NFE2L3: variants seen among roughly 807,000 people sequenced by gnomAD.
NFE2L3 encodes NFE2 like bZIP transcription factor 3.
NFE2L3 carries 18 observed loss-of-function variants against 23.5 expected under a neutral mutation model. The observed-to-expected ratio is 0.77, with a 90% CI of 0.53 to 1.13. NFE2L3 has a LOEUF of 1.13. Ranked by LOEUF, NFE2L3 falls within the 50% of genes most tolerant of loss-of-function variation. The pLI, the probability that NFE2L3 is intolerant of heterozygous loss-of-function variation, is 0.00. For missense variants in NFE2L3, 1,152 were observed against 877.2 expected (o/e 1.31, Z -3.96); for synonymous variants, 424 against 354.5 (o/e 1.20, Z -2.20).
At position 26,185,663 on chromosome 7, in the gene NFE2L3, G is replaced by GC. The variant is rs1562681595; in HGVS notation, c.1967dup (p.Val657SerfsTer13). ...GTAGATTAAGAGATGACCAAGGTAG[G>GC]CCAGTCAATCCCAACCACTATGCTC... On this transcript the variant is annotated frameshift_variant, in exon 4 of 4. Coordinates refer to ENST00000056233, the MANE Select transcript of NFE2L3 (RefSeq NM_004289.7). LOFTEE classifies it high-confidence loss of function. 5.0e-6 allele frequency: 8 copies of GC among 1,613,802 alleles called. No homozygotes were observed. Among genetic ancestry groups the GC allele is most frequent in the Non-Finnish European group, 6.8e-6 (8 of 1,179,842 alleles).
chr7:26,177,781 T>C (rs760739371), intron 1 of NFE2L3, among the ~76,000 whole-genome samples, 162 bp from the exon 2 acceptor site: 3 of 152,254 alleles, frequency 2.0e-5, no homozygotes, highest in Non-Finnish European at 4.4e-5. Flanking sequence ...GGACAGGATG[T>C]AAAACTGACC....
chr7:26,165,518 AG>A (rs750705989), intron 1 of NFE2L3, among the ~76,000 whole-genome samples: 1 of 152,236 alleles, frequency 6.6e-6, no homozygotes, highest in Non-Finnish European at 1.5e-5. Flanking sequence ...GCTTTGCTCA[AG>A]TTGCTTATCA....
At chr7:26,154,692 T>A (rs1275122912) in intron 1 of NFE2L3, among the ~76,000 whole-genome samples, 1 of 152,216 alleles carries the variant, frequency 6.6e-6, no homozygotes, top group Non-Finnish European at 1.5e-5. Context: ...CTAGGAGAAC[T>A]GGCGTGCACC....
chr7:26,183,570 C>T (rs1782387342), intron 2 of NFE2L3, 131 bp from the exon 3 acceptor site: 2 of 630,394 alleles, frequency 3.2e-6, no homozygotes, highest in African/African-American at 1.8e-5. Flanking sequence ...GTAGAACTTC[C>T]AACCAAGGAA....
intron 1 of NFE2L3, among the ~76,000 whole-genome samples, chr7:26,160,402 A>G (rs1019162515): frequency 2.6e-5 from 4 of 152,218 alleles, no homozygotes; most frequent in Middle Eastern, 3.2e-3. Flanking sequence ...ATCTTTTGAA[A>G]TTGGGGAGAA....
intron 1 of NFE2L3, among the ~76,000 whole-genome samples, chr7:26,155,982 C>G (rs1224126503): frequency 6.6e-6 from 1 of 152,190 alleles, no homozygotes; most frequent in Non-Finnish European, 1.5e-5. Context: ...AACCCACCCT[C>G]CTTCACCTGT....
chr7:26,185,878 A>ATCTT lies in NFE2L3; in HGVS notation c.*97_*100dup, dbSNP rs1782472227. On this transcript the variant is annotated 3_prime_UTR_variant, in exon 4 of 4. Transcript: ENST00000056233. ...CCATTGAAACTGCTTCAAGAATTGTATCTTTAAGTACTGCTACTTGAATAA... is the reference window on the plus strand; with the variant it reads ...CCATTGAAACTGCTTCAAGAATTGTATCTTTCTTTAAGTACTGCTACTTGAATAA... 9.9e-7 allele frequency: 1 copy of ATCTT among 1,007,614 alleles called. No homozygotes were observed. The highest frequency in any genetic ancestry group is 1.4e-6 in the Non-Finnish European group (1 of 699,784). The allele number at this position is 1,007,614 out of a possible 1,614,324, so 62.4% of individuals were successfully genotyped here. A position where few individuals can be genotyped will look rare whatever the true frequency, so the allele number is the denominator to read the frequency against.
At chr7:26,159,508 G>A (rs1784137329) in intron 1 of NFE2L3, among the ~76,000 whole-genome samples, 1 of 152,218 alleles carries the variant, frequency 6.6e-6, no homozygotes, top group African/African-American at 2.4e-5. Flanking sequence ...CAGGGACAGG[G>A]TTAGGAGCAG....
At chr7:26,177,531 A>G (rs1583936096) in intron 1 of NFE2L3, among the ~76,000 whole-genome samples, 1 of 152,166 alleles carries the variant, frequency 6.6e-6, no homozygotes, top group Non-Finnish European at 1.5e-5. Context: ...CGAGGCAGGG[A>G]GGTTGCAGCG....
At position 26,184,623 on chromosome 7, in the gene NFE2L3, A is replaced by G. The variant is rs144296822; in HGVS notation, c.925A>G (p.Ile309Val). The part of the protein sequence containing the change: ...AHYHVNFSQA[I>V]SQDVNLHEAI... ...TTATCATGTAAACTTCAGCCAGGCT[A>G]TAAGTCAGGATGTGAATCTTCATGA... The change falls in exon 4 of 4, where the codon ATA (isoleucine) becomes GTA (valine). Residue 309 changes from isoleucine (I) to valine (V), a missense_variant. Coordinates refer to ENST00000056233, the MANE Select transcript of NFE2L3 (RefSeq NM_004289.7). 4.1e-4 allele frequency: 661 copies of G among 1,613,896 alleles called. 3 individuals are homozygous for G. Among genetic ancestry groups the G allele is most frequent in the African/African-American group, 3.3e-3 (244 of 75,056 alleles).
At chr7:26,163,293 T>C (rs1254962256) in intron 1 of NFE2L3, among the ~76,000 whole-genome samples, 1 of 152,184 alleles carries the variant, frequency 6.6e-6, no homozygotes, top group East Asian at 1.9e-4. Flanking sequence ...TCATAAGGAC[T>C]CTTCTAAACA....
intron 1 of NFE2L3, among the ~76,000 whole-genome samples, chr7:26,169,426 T>C (rs1398729687): frequency 6.6e-6 from 1 of 152,210 alleles, no homozygotes; most frequent in Non-Finnish European, 1.5e-5. Flanking sequence ...AAGATGGCCT[T>C]GTCTCTTTAC....
At chr7:26,184,188 A>G (rs950640715) in intron 3 of NFE2L3, 2 of 338,052 alleles carry the variant, frequency 5.9e-6, no homozygotes, top group African/African-American at 4.3e-5. Flanking sequence ...GTAGTTTATT[A>G]TCCCTGACCC....
intron 3 of NFE2L3, 156 bp from the exon 4 acceptor site, chr7:26,184,377 A>G (rs1407697216): frequency 1.6e-6 from 1 of 631,272 alleles, no homozygotes; most frequent in East Asian, 2.7e-5. Context: ...CTCGTATTGT[A>G]TTGCCTGTAT....
intron 1 of NFE2L3, among the ~76,000 whole-genome samples, chr7:26,162,208 G>A (rs984560581): frequency 2.0e-5 from 3 of 151,860 alleles, no homozygotes; most frequent in African/African-American, 4.8e-5. Flanking sequence ...AAATATTAGC[G>A]AGGAGAACTT....
chr7:26,175,160 C>T (rs1784380160), intron 1 of NFE2L3, among the ~76,000 whole-genome samples: 2 of 133,504 alleles, frequency 1.5e-5, no homozygotes, highest in East Asian at 2.2e-4. Context: ...TCCTGGCTAA[C>T]ATGGTGAAAC....
intron 1 of NFE2L3, among the ~76,000 whole-genome samples, chr7:26,159,142 C>T (rs1170927935): frequency 3.3e-5 from 5 of 152,182 alleles, no homozygotes; most frequent in African/African-American, 9.7e-5. Context: ...TTCAGGGCTG[C>T]CCTTGTGGCT....
In NFE2L3 at chr7:26,184,653, A is replaced by G. The variant is rs368970836; in HGVS notation, c.955A>G (p.Ile319Val). 6.2e-7 allele frequency: 1 copy of G among 1,613,966 alleles called. No homozygotes were observed. Among genetic ancestry groups the G allele is most frequent in the African/African-American group, 1.3e-5 (1 of 75,056 alleles). ...TCAGGATGTGAATCTTCATGAGGCCATCTTGCTTTGTCCCAACAATACATT... is the reference window on the plus strand; with the variant it reads ...TCAGGATGTGAATCTTCATGAGGCCGTCTTGCTTTGTCCCAACAATACATT... ...ISQDVNLHEA[I>V]LLCPNNTFRR... is the part of the protein sequence containing the mutation. Residue 319 changes from isoleucine (I) to valine (V), a missense_variant, in exon 4 of 4, where the codon ATC becomes GTC. Physicochemically the swap from Ile to Val is conservative, Grantham distance 29. Transcript: ENST00000056233.
chr7:26,173,341 C>G, intron 1 of NFE2L3, among the ~76,000 whole-genome samples: 1 of 152,206 alleles, frequency 6.6e-6, no homozygotes, highest in Non-Finnish European at 1.5e-5. Flanking sequence ...CACTTGTTTC[C>G]CTGTTATTAT....
Sources: gnomAD v4.1 joint callset for allele counts (sites outside exome capture counted in the v4.1 genomes callset) on GRCh38, gnomAD v4.1.1 for gene constraint, MANE v1.5 for transcripts, NCBI Gene and HGNC (gene_info 2026-07-23, HGNC 2026-07-21) for gene names.